Variants in ZMAT4 observed in about 807,000 individuals in gnomAD.
The protein encoded by ZMAT4 is zinc finger matrin-type 4.
Under a neutral mutation model 28.7 loss-of-function variants are expected in ZMAT4, and 17 were observed. That is an observed-to-expected ratio of 0.59 (90% CI 0.41 to 0.89). The LOEUF is 0.89. Among genes scored for constraint, ZMAT4 ranks in the 40% least tolerant of loss-of-function variants. The pLI is 0.00. For synonymous variants in ZMAT4, 117 were observed against 109.2 expected (o/e 1.07, Z -0.44); for missense variants, 240 against 283.8 (o/e 0.85, Z 1.11).
At chr8:40,842,539 C>T (rs1287261484) in intron 1 of ZMAT4, among the ~76,000 whole-genome samples, 2 of 152,260 alleles carry the variant, frequency 1.3e-5, no homozygotes, top group Middle Eastern at 3.4e-3. Flanking sequence ...TGCAGTCCAC[C>T]CAGCCTTGCA....
chr8:40,699,397 G>A (rs949860150), intron 3 of ZMAT4, among the ~76,000 whole-genome samples: 2 of 152,084 alleles, frequency 1.3e-5, no homozygotes, highest in Non-Finnish European at 2.9e-5. Context: ...TGGGCTATTA[G>A]CGTAACAAAG....
At chr8:40,760,979 A>G (rs1812914286) in intron 3 of ZMAT4, among the ~76,000 whole-genome samples, 1 of 152,002 alleles carries the variant, frequency 6.6e-6, no homozygotes, top group African/African-American at 2.4e-5. Context: ...TGTCCTCCCA[A>G]GAAATTGCTA....
chr8:40,626,566 A>G (rs1806389449), intron 5 of ZMAT4, among the ~76,000 whole-genome samples: 1 of 152,238 alleles, frequency 6.6e-6, no homozygotes, highest in African/African-American at 2.4e-5. Context: ...CCTCCATGCC[A>G]TGGTCAGCAA....
intron 5 of ZMAT4, among the ~76,000 whole-genome samples, chr8:40,651,584 G>C (rs1342122612): frequency 1.4e-5 from 2 of 147,584 alleles, no homozygotes; most frequent in Non-Finnish European, 3.0e-5. Context: ...CTACTTTAAA[G>C]TTCATATGGA....
chr8:40,891,864 C>T (rs563479211), intron 1 of ZMAT4, among the ~76,000 whole-genome samples: 34 of 152,348 alleles, frequency 2.2e-4, no homozygotes, highest in African/African-American at 6.5e-4. Flanking sequence ...TTTCTTCTTT[C>T]TTCTCAGGGC....
intron 3 of ZMAT4, among the ~76,000 whole-genome samples, chr8:40,718,625 C>T (rs1386822465): frequency 6.6e-6 from 1 of 152,196 alleles, no homozygotes; most frequent in Non-Finnish European, 1.5e-5. Flanking sequence ...AGAACAGCTA[C>T]TGCACAATTA....
intron 3 of ZMAT4, among the ~76,000 whole-genome samples, chr8:40,706,959 A>G (rs755943254): frequency 1.3e-5 from 2 of 152,192 alleles, no homozygotes; most frequent in Non-Finnish European, 2.9e-5. Context: ...CCTGGCACAT[A>G]GTAACTTAAA....
chr8:40,661,868 G>A (rs1034452660), intron 5 of ZMAT4, among the ~76,000 whole-genome samples: 14 of 152,222 alleles, frequency 9.2e-5, no homozygotes, highest in Non-Finnish European at 1.9e-4. Context: ...CAGGAAGGGA[G>A]GGTCTTAGAG....
At chr8:40,646,353 T>C (rs1807314367) in intron 5 of ZMAT4, among the ~76,000 whole-genome samples, 2 of 151,970 alleles carry the variant, frequency 1.3e-5, no homozygotes, top group Non-Finnish European at 2.9e-5. Context: ...TTGTATTTCA[T>C]GGTGGTTTCT....
At position 40,880,686 on chromosome 8, in the gene ZMAT4, A is replaced by G. The variant is rs901685943; in HGVS notation, c.-5+16997T>C. On this transcript the variant is annotated intron_variant, in intron 1 of 6. Transcript: ENST00000297737. ...CAACCAAGTAACTTGCAGAAGGCCA[A>G]ACCTCTAACTTCAGAGCCGGGACTC... Among the ~76,000 whole-genome samples the G allele has an allele frequency of 2.6e-5, 4 of 152,272 alleles. No homozygotes were observed. The South Asian group carries it at 6.2e-4, about 24-fold the overall frequency.
At chr8:40,866,201 C>T (rs749007288) in intron 1 of ZMAT4, among the ~76,000 whole-genome samples, 5 of 152,224 alleles carry the variant, frequency 3.3e-5, no homozygotes, top group Non-Finnish European at 5.9e-5. Context: ...GCTGCAGCTG[C>T]ACTCCTTTGC....
At chr8:40,892,855 A>T (rs570033678) in intron 1 of ZMAT4, among the ~76,000 whole-genome samples, 2 of 152,308 alleles carry the variant, frequency 1.3e-5, no homozygotes, top group East Asian at 3.9e-4. Flanking sequence ...AAGGGTTCTC[A>T]TCAGCAGAGG....
intron 5 of ZMAT4, among the ~76,000 whole-genome samples, chr8:40,617,063 G>A (rs1806033941): frequency 6.6e-6 from 1 of 152,104 alleles, no homozygotes; most frequent in Admixed American, 6.5e-5. Context: ...TGAGCTTTGA[G>A]AAGAATTTAT....
In ZMAT4 at chr8:40,697,255, T is replaced by C. The variant is rs753631756; in HGVS notation, c.339A>G (p.Leu113=). Residue 113 remains leucine (L), a synonymous_variant, in exon 4 of 7, where the codon TTA becomes TTG. Transcript: ENST00000297737. ...LKLLLGEKTP[L]KTTATPLSPL... is the part of the protein sequence containing the mutation. ...TGTTCCTGCACGTACCTGTGGTCTT[T>C]AATGGGGTCTTCTCTCCTAGCAAGA... The C allele has an allele frequency of 1.2e-6, 2 of 1,610,142 alleles. No individual in the cohort carries two copies. Among genetic ancestry groups the C allele is most frequent in the South Asian group, 1.1e-5 (1 of 90,380 alleles).
intron 3 of ZMAT4, among the ~76,000 whole-genome samples, chr8:40,758,371 A>G (rs1563463137): frequency 6.6e-6 from 1 of 152,122 alleles, no homozygotes; most frequent in Non-Finnish European, 1.5e-5. Context: ...TGAAATGACA[A>G]TCTGTAAGGT....
chr8:40,756,552 G>A (rs190273063), intron 3 of ZMAT4, among the ~76,000 whole-genome samples: 41 of 148,842 alleles, frequency 2.8e-4, no homozygotes, highest in African/African-American at 8.2e-4. Context: ...ATATCCGTAA[G>A]TAGGGGACTA....
chr8:40,795,755 G>T (rs75442433), intron 2 of ZMAT4, among the ~76,000 whole-genome samples: 1 of 152,206 alleles, frequency 6.6e-6, no homozygotes, highest in South Asian at 2.1e-4. Context: ...AACATTTTCC[G>T]TTCTGCAAAT....
chr8:40,767,555 G>T, intron 3 of ZMAT4, 86 bp downstream of exon 3: 1 of 1,093,922 alleles, frequency 9.1e-7, no homozygotes, highest in Non-Finnish European at 1.3e-6. Context: ...CTATGAATCT[G>T]GACTAGACTA....
At chr8:40,582,375 C>T (rs1585713739) in intron 5 of ZMAT4, among the ~76,000 whole-genome samples, 1 of 152,164 alleles carries the variant, frequency 6.6e-6, no homozygotes, top group African/African-American at 2.4e-5. Flanking sequence ...TGGCACACAC[C>T]TGTAGTCCTA....
Sources: allele counts gnomAD v4.1 joint callset (sites outside exome capture counted in the v4.1 genomes callset), GRCh38; gene constraint gnomAD v4.1.1; transcripts MANE v1.5; gene names NCBI Gene and HGNC (gene_info 2026-07-23, HGNC 2026-07-21).